The following LRP1B variants were observed in gnomAD, a reference collection of about 807,000 sequenced individuals.
LRP1B encodes the protein LDL receptor related protein 1B.
A neutral mutation model predicts 556.6 loss-of-function variants in LRP1B; 217 were observed. The observed-to-expected ratio is 0.39, with a 90% confidence interval of 0.35 to 0.44. LRP1B has a LOEUF of 0.44. Among genes scored for constraint, LRP1B ranks in the 20% least tolerant of loss-of-function variants. The pLI, the probability that LRP1B is intolerant of heterozygous loss-of-function variation, is 1.00. For synonymous variants in LRP1B, 2,047 were observed against 1,865.8 expected, an observed-to-expected ratio of 1.10 and a Z score of -2.50; for missense variants, 5,053 against 5,620.8, an observed-to-expected ratio of 0.90 and a Z score of 3.23.
intron 31 of LRP1B, 79 bp from the exon 32 acceptor site, chr2:140,813,885 G>GA: frequency 3.9e-6 from 4 of 1,019,212 alleles, no homozygotes; most frequent in Middle Eastern, 2.3e-4. Context: ...TGGATTTGAG[G>GA]GGAAAAAAAT....
At chr2:140,374,174 G>C (rs1398197769) in intron 68 of LRP1B, among the ~76,000 whole-genome samples, 4 of 152,142 alleles carry the variant, frequency 2.6e-5, no homozygotes, top group Non-Finnish European at 5.9e-5. Flanking sequence ...CACCTTCCCT[G>C]GGTCTGAACA....
At chr2:141,869,059 G>A (rs908263148) in intron 1 of LRP1B, among the ~76,000 whole-genome samples, 6 of 152,062 alleles carry the variant, frequency 3.9e-5, no homozygotes, top group East Asian at 1.9e-4. Context: ...AAGTTTGCTC[G>A]GAGAGTTAAT....
chr2:141,164,420 A>G (rs1680164639), intron 7 of LRP1B, among the ~76,000 whole-genome samples: 1 of 152,108 alleles, frequency 6.6e-6, no homozygotes, highest in African/African-American at 2.4e-5. Flanking sequence ...CATATGCATA[A>G]CATTCCTTAA....
chr2:141,441,895 G>T (rs190264355), intron 3 of LRP1B, among the ~76,000 whole-genome samples: 6 of 152,212 alleles, frequency 3.9e-5, no homozygotes, highest in African/African-American at 1.4e-4. Context: ...TGGTAATCAA[G>T]GTTCTCAACT....
intron 1 of LRP1B, among the ~76,000 whole-genome samples, chr2:141,913,691 A>G (rs540861201): frequency 2.4e-4 from 37 of 152,278 alleles, no homozygotes; most frequent in African/African-American, 8.7e-4. Context: ...TTGAGAATGA[A>G]CTACTAATGA....
At chr2:141,865,485 G>T (rs375988245) in intron 1 of LRP1B, among the ~76,000 whole-genome samples, 8 of 148,656 alleles carry the variant, frequency 5.4e-5, no homozygotes, top group South Asian at 4.3e-4. Context: ...CCAGCTACTT[G>T]GGAGGCTGAG....
rs186583290 is a variant in LRP1B, at chr2:140,452,251, T to C, written c.9964-1590A>G. 4.1e-3 allele frequency among the ~76,000 whole-genome samples: 624 copies of C among 152,304 alleles called. 5 individuals carry two copies. Among genetic ancestry groups the C allele is most frequent in the African/African-American group, 0.014 (603 of 41,592 alleles). Reference sequence around the variant, plus strand: ...GTGACCAAAAAGCTCAGTTAGTTTATGTTTTAGTAATCTATTACCGTAAAC... The same window carrying C: ...GTGACCAAAAAGCTCAGTTAGTTTACGTTTTAGTAATCTATTACCGTAAAC... On this transcript the variant is annotated intron_variant, in intron 62 of 90. Transcript: ENST00000389484.
intron 20 of LRP1B, among the ~76,000 whole-genome samples, chr2:140,927,054 C>T (rs968311266): frequency 6.6e-6 from 1 of 152,172 alleles, no homozygotes; most frequent in Non-Finnish European, 1.5e-5. Flanking sequence ...ACCTGTACTT[C>T]CAGCACTTTG....
At chr2:141,169,622 T>C (rs1037102168) in intron 7 of LRP1B, among the ~76,000 whole-genome samples, 1 of 151,572 alleles carries the variant, frequency 6.6e-6, no homozygotes, top group African/African-American at 2.4e-5. Context: ...GGGAAGAAAA[T>C]CTGTCCTTTG....
chr2:140,502,678 T>C (rs1250891316), intron 54 of LRP1B, among the ~76,000 whole-genome samples: 1 of 152,032 alleles, frequency 6.6e-6, no homozygotes, highest in African/African-American at 2.4e-5. Context: ...TATTCTTATA[T>C]AAAATAATAT....
rs181528980 is a variant in LRP1B, at chr2:141,373,999, C to A, written c.343+106397G>T. On this transcript the variant is annotated intron_variant, in intron 3 of 90. Transcript: ENST00000389484. ...TTTGTGATGGTGAATTTTGACCTTT[C>A]ATTTACATGTTTAAGATCCTTTTGA... Among the ~76,000 whole-genome samples the A allele has an allele frequency of 4.6e-5, 7 of 152,094 alleles. No homozygotes were observed. In the East Asian group the frequency reaches 1.4e-3, roughly 29 times the overall value.
intron 3 of LRP1B, among the ~76,000 whole-genome samples, chr2:141,308,652 T>C (rs1202840919): frequency 6.6e-6 from 1 of 152,188 alleles, no homozygotes; most frequent in Non-Finnish European, 1.5e-5. Context: ...GTTGATATTA[T>C]ATTAATAAAA....
intron 11 of LRP1B, among the ~76,000 whole-genome samples, chr2:141,028,507 A>G (rs1306193191): frequency 4.6e-5 from 7 of 152,064 alleles, no homozygotes; most frequent in African/African-American, 1.7e-4. Flanking sequence ...GTTTAAATAA[A>G]TCAATAAAAA....
At chr2:140,437,261 G>C (rs2105293081) in intron 66 of LRP1B, among the ~76,000 whole-genome samples, 1 of 152,132 alleles carries the variant, frequency 6.6e-6, no homozygotes. Context: ...CTCCTTTCCA[G>C]CTGCTAACAT....
intron 26 of LRP1B, 131 bp downstream of exon 26, chr2:140,867,968 C>G: frequency 7.9e-7 from 1 of 1,272,212 alleles, no homozygotes; most frequent in South Asian, 1.8e-5. Flanking sequence ...TGATTTGGGG[C>G]AAGCAAAAAA....
intron 3 of LRP1B, among the ~76,000 whole-genome samples, chr2:141,383,888 A>C (rs7560243): frequency 0.49 from 75,195 of 151,934 alleles, 20,624 homozygotes; most frequent in Non-Finnish European, 0.64. Context: ...CAAATGGTAC[A>C]AAAGTTTCAG....
chr2:140,707,657 C>T (rs2105442919), intron 37 of LRP1B, among the ~76,000 whole-genome samples: 1 of 152,178 alleles, frequency 6.6e-6, no homozygotes, highest in Non-Finnish European at 1.5e-5. Context: ...CATGATTGGA[C>T]ATTTTTTATC....
intron 1 of LRP1B, among the ~76,000 whole-genome samples, chr2:141,813,348 G>A (rs1696421224): frequency 6.6e-6 from 1 of 151,990 alleles, no homozygotes; most frequent in Admixed American, 6.6e-5. Flanking sequence ...TTAAATAGGT[G>A]GTCAGAGTAT....
intron 3 of LRP1B, among the ~76,000 whole-genome samples, chr2:141,408,184 C>T (rs1690709214): frequency 7.1e-6 from 1 of 141,214 alleles, no homozygotes; most frequent in Non-Finnish European, 1.5e-5. Context: ...ATACTATCAC[C>T]CAGGCTGGAG....
Sources: gnomAD v4.1 joint callset for allele counts (sites outside exome capture counted in the v4.1 genomes callset) on GRCh38, gnomAD v4.1.1 for gene constraint, MANE v1.5 for transcripts, NCBI Gene and HGNC (gene_info 2026-07-23, HGNC 2026-07-21) for gene names.